The following FGF12 variants were observed in gnomAD, a reference collection of about 807,000 sequenced individuals.
FGF12 encodes the protein fibroblast growth factor 12B.
Under a neutral mutation model 23.6 loss-of-function variants are expected in FGF12, and 14 were observed. The observed-to-expected ratio is 0.59, with a 90% CI of 0.39 to 0.93. FGF12 has a LOEUF of 0.93. Among genes scored for constraint, FGF12 ranks in the 40% least tolerant of loss-of-function variants. The pLI, the probability that FGF12 is intolerant of heterozygous loss-of-function variation, is 0.00. For missense variants in FGF12, 175 were observed against 217.8 expected, an observed-to-expected ratio of 0.80 and a Z score of 1.24; for synonymous variants, 62 against 77.3, an observed-to-expected ratio of 0.80 and a Z score of 1.04.
intron 5 of FGF12, among the ~76,000 whole-genome samples, chr3:192,159,254 C>T (rs575414162): frequency 1.2e-4 from 19 of 152,166 alleles, no homozygotes; most frequent in Non-Finnish European, 2.1e-4. Flanking sequence ...CTACTGACCA[C>T]GAGTTACAAA....
chr3:192,296,118 C>T (rs1715023982), intron 4 of FGF12, among the ~76,000 whole-genome samples: 1 of 136,546 alleles, frequency 7.3e-6, no homozygotes, highest in African/African-American at 2.7e-5. Context: ...GTTGCCCAGG[C>T]TGGTCTTAAA....
rs368384384 is a variant in FGF12, at chr3:192,514,403, G to C, written c.14-153865C>G. On this transcript the variant is annotated intron_variant, in intron 2 of 5. Transcript: ENST00000445105. This position sits in a 1 kb window ranked among gnomAD's most constrained non-coding sequence, Gnocchi z 4.9. ...TCACGGCCAGCGCCGCTTGGAGAGAGACCCGCAGGTTTCAGCCCAGGCGCG... is the reference window on the plus strand; with the variant it reads ...TCACGGCCAGCGCCGCTTGGAGAGACACCCGCAGGTTTCAGCCCAGGCGCG... Among the ~76,000 whole-genome samples the C allele has an allele frequency of 1.6e-3, 247 of 152,330 alleles. 1 individual carries two copies. The highest frequency in any genetic ancestry group is 5.2e-3 in the African/African-American group (216 of 41,578).
At chr3:192,162,790 G>C (rs1473769605) in intron 5 of FGF12, among the ~76,000 whole-genome samples, 1 of 152,068 alleles carries the variant, frequency 6.6e-6, no homozygotes, top group Non-Finnish European at 1.5e-5. Flanking sequence ...CAGGACTCCT[G>C]ATTTGCTCTG....
chr3:192,167,731 GTATATATATATATATATATATATATA>G lies in FGF12; in HGVS notation c.427+2701_427+2726del, dbSNP rs11394352. Among the ~76,000 whole-genome samples, 3 of 25,046 alleles carry G rather than the reference GTATATATATATATATATATATATATA, an allele frequency of 1.2e-4. 1 individual carries two copies. Among genetic ancestry groups the G allele is most frequent in the Admixed American group, 1.5e-3 (2 of 1,318 alleles). The allele number at this position is 25,046 out of a possible 152,430, so 16.4% of individuals were successfully genotyped here. ...CTAAAATTAGGAGGGTAGGTTATAG[GTATATATATATATATATATATATATA>G]TATATATATATAAAATTTTTTTTTT... On this transcript the variant is annotated intron_variant, in intron 5 of 5. Transcript: ENST00000445105.
At chr3:192,669,992 A>G (rs143049642) in intron 2 of FGF12, among the ~76,000 whole-genome samples, 309 of 152,348 alleles carry the variant, frequency 2.0e-3, no homozygotes, top group African/African-American at 6.0e-3. Flanking sequence ...TCTTTAAGAA[A>G]CAATCACTGG....
In FGF12 at chr3:192,458,980, G is replaced by A. The variant is rs556049523; in HGVS notation, c.14-98442C>T. ...ACGAGATCTAATGGGTTTATCAGGG[G>A]TTTCTGCTTTTGCCTCTTCCTCATT... On this transcript the variant is annotated intron_variant, in intron 2 of 5. Coordinates refer to ENST00000445105, the MANE Select transcript of FGF12 (RefSeq NM_004113.6). Among the ~76,000 whole-genome samples, 8 of 152,228 alleles carry A rather than the reference G, an allele frequency of 5.3e-5. No individual in the cohort carries two copies. The East Asian group carries it at 7.7e-4, about 15-fold the overall frequency.
In FGF12 at chr3:192,215,210, G is replaced by A. The variant is rs1278603628; in HGVS notation, c.229-44554C>T. Among the ~76,000 whole-genome samples, 23 of 152,000 alleles carry A rather than the reference G, an allele frequency of 1.5e-4. 1 individual carries two copies. The highest frequency in any genetic ancestry group is 1.4e-3 in the Admixed American group (22 of 15,264). Reference sequence around the variant, plus strand: ...GTCTTCCCTTTCCTGGCTTTCCCTCGAAGGTGTTGATATCATTTTCATTCT... The same window carrying A: ...GTCTTCCCTTTCCTGGCTTTCCCTCAAAGGTGTTGATATCATTTTCATTCT... On this transcript the variant is annotated intron_variant, in intron 4 of 5. Coordinates refer to ENST00000445105, the MANE Select transcript of FGF12 (RefSeq NM_004113.6).
At chr3:192,541,849 C>T (rs917972930) in intron 2 of FGF12, among the ~76,000 whole-genome samples, 4 of 152,038 alleles carry the variant, frequency 2.6e-5, no homozygotes, top group Non-Finnish European at 5.9e-5. Context: ...TGTCATGCCA[C>T]TTTCTCCTGA....
At chr3:192,418,361 C>CA (rs1467138535) in intron 2 of FGF12, among the ~76,000 whole-genome samples, 2 of 152,154 alleles carry the variant, frequency 1.3e-5, no homozygotes, top group African/African-American at 4.8e-5. Context: ...TCGTTCAACA[C>CA]AGACTATGGA....
chr3:192,421,427 GA>G (rs11303029), intron 2 of FGF12, among the ~76,000 whole-genome samples: 115,228 of 148,250 alleles, frequency 0.78, 45,034 homozygotes, highest in East Asian at 0.93. Context: ...CTGCTTACTT[GA>G]AAAAAAAAAA....
At position 192,666,221 on chromosome 3, in the gene FGF12, C is replaced by T. The variant is rs140789447; in HGVS notation, c.13+60960G>A. Among the ~76,000 whole-genome samples the T allele has an allele frequency of 9.9e-3, 1,500 of 152,226 alleles. 11 individuals carry two copies. The highest frequency in any genetic ancestry group is 0.02 in the Middle Eastern group (6 of 294). The stretch of plus-strand genomic sequence containing the variant: ...CAATTAAGGATGCTTTCTTGAGTTT[C>T]ATATCTGTTTTCAACTCAGTTTTAT... On this transcript the variant is annotated intron_variant, in intron 2 of 5. Coordinates refer to ENST00000445105, the MANE Select transcript of FGF12 (RefSeq NM_004113.6).
intron 2 of FGF12, among the ~76,000 whole-genome samples, chr3:192,466,371 A>G (rs578039195): frequency 6.6e-6 from 1 of 152,312 alleles, no homozygotes; most frequent in East Asian, 1.9e-4. Flanking sequence ...CGAGATCCTC[A>G]GGAAAGCACT....
intron 4 of FGF12, among the ~76,000 whole-genome samples, chr3:192,327,281 T>C (rs752644586): frequency 6.6e-6 from 1 of 152,224 alleles, no homozygotes; most frequent in Non-Finnish European, 1.5e-5. Context: ...GTTACCATGA[T>C]TCTCATGGTT....
chr3:192,416,630 T>G (rs1721362665), intron 2 of FGF12, among the ~76,000 whole-genome samples: 1 of 152,148 alleles, frequency 6.6e-6, no homozygotes, highest in Non-Finnish European at 1.5e-5. Flanking sequence ...CCAATAAAAA[T>G]TTAACAAGAT....
In FGF12 at chr3:192,360,573, G is replaced by C. The variant is rs202092100; in HGVS notation, c.14-35C>G. 2 of 1,458,946 alleles carry C rather than the reference G, an allele frequency of 1.4e-6. No individual in the cohort carries two copies. Among genetic ancestry groups the C allele is most frequent in the East Asian group, 2.3e-5 (1 of 44,132 alleles). The allele number at this position is 1,458,946 out of a possible 1,614,324, so 90.4% of individuals were successfully genotyped here. A position where few individuals can be genotyped will look rare whatever the true frequency, so the allele number is the denominator to read the frequency against. On this transcript the variant is annotated intron_variant, in intron 2 of 5. Coordinates refer to ENST00000445105, the MANE Select transcript of FGF12 (RefSeq NM_004113.6). This position sits in a 1 kb window ranked among gnomAD's most constrained non-coding sequence, Gnocchi z 4.3. ...AAAATAATTATTCAAATTTTTATTT[G>C]GCTTACACAAATGCACACTTACAGA...
intron 4 of FGF12, among the ~76,000 whole-genome samples, chr3:192,313,806 A>C (rs1424470044): frequency 6.6e-6 from 1 of 152,144 alleles, no homozygotes; most frequent in African/African-American, 2.4e-5. Context: ...CTTGCCCTAA[A>C]GTCTTATATT....
At chr3:192,665,185 G>A (rs1465034669) in intron 2 of FGF12, among the ~76,000 whole-genome samples, 1 of 152,156 alleles carries the variant, frequency 6.6e-6, no homozygotes, top group African/African-American at 2.4e-5. Flanking sequence ...GATGGGGCAG[G>A]AGAGTGGGTA....
rs546605540 is a variant in FGF12 at position 192,573,094 on chromosome 3, C to G, written c.13+154087G>C. 1.1e-4 allele frequency among the ~76,000 whole-genome samples: 16 copies of G among 152,136 alleles called. No homozygotes were observed. In the South Asian group the frequency reaches 2.9e-3, roughly 28 times the overall value. On this transcript the variant is annotated intron_variant, in intron 2 of 5. Coordinates refer to ENST00000445105, the MANE Select transcript of FGF12 (RefSeq NM_004113.6). ...AAACTTTATACTAAAGAGTCTCATT[C>G]TATATTCAGTGGTCAGAACTAGGAA... is the stretch of plus-strand genomic sequence containing the variant.
chr3:192,280,751 C>T (rs766216288), intron 4 of FGF12, among the ~76,000 whole-genome samples: 2 of 151,844 alleles, frequency 1.3e-5, no homozygotes, highest in Non-Finnish European at 2.9e-5. Context: ...GACAACAGAC[C>T]GTTGAGAGGT....
Sources: gnomAD v4.1 joint callset for allele counts (sites outside exome capture counted in the v4.1 genomes callset) on GRCh38, gnomAD v4.1.1 for gene constraint, Gnocchi (gnomAD v3.1) non-coding constraint, MANE v1.5 for transcripts, NCBI Gene and HGNC (gene_info 2026-07-23, HGNC 2026-07-21) for gene names.